UNC13C: variants seen among roughly 807,000 people sequenced by gnomAD.
UNC13C encodes the protein unc-13 homolog C, also known as protein unc-13 homolog C.
Under a neutral mutation model 245.4 loss-of-function variants are expected in UNC13C, and 174 were observed. That is an observed-to-expected ratio of 0.71 (90% CI 0.63 to 0.80). The LOEUF (loss-of-function observed/expected upper bound fraction) is 0.80, where lower values mean the gene tolerates loss of function less well. Among genes scored for constraint, UNC13C ranks in the 30% least tolerant of loss-of-function variants. The pLI is 0.00. For missense variants in UNC13C, 2,829 were observed against 2,602.9 expected (o/e 1.09, Z -1.89); for synonymous variants, 992 against 895.1 (o/e 1.11, Z -1.93).
chr15:54,463,886 G>T (rs771159691), intron 19 of UNC13C, among the ~76,000 whole-genome samples: 1 of 152,190 alleles, frequency 6.6e-6, no homozygotes, highest in African/African-American at 2.4e-5. Flanking sequence ...CATGGGAGGG[G>T]ATGGCTGAAG....
intron 1 of UNC13C, among the ~76,000 whole-genome samples, chr15:54,012,053 T>C (rs554347600): frequency 1.3e-5 from 2 of 152,346 alleles, no homozygotes; most frequent in African/African-American, 4.8e-5. Context: ...TTCCTACTAA[T>C]ATGAGGCCCT....
chr15:53,943,140 C>G, the UNC13C span, among the ~76,000 whole-genome samples: 9 of 152,284 alleles, frequency 5.9e-5, no homozygotes, highest in South Asian at 1.7e-3. Context: ...ATTCCAACCT[C>G]CATTTTAATA....
chr15:54,243,256 T>C (rs1402175523), intron 7 of UNC13C, among the ~76,000 whole-genome samples: 1 of 152,058 alleles, frequency 6.6e-6, no homozygotes, highest in East Asian at 1.9e-4. Context: ...GTTCCTGTAT[T>C]AGTTTGCTGA....
At chr15:53,947,631 T>A in the UNC13C span, 1 of 152,328 alleles carries the variant, frequency 6.6e-6, no homozygotes, top group Admixed American at 6.5e-5. Flanking sequence ...CTTGAGCTCT[T>A]TTTATTTTTT....
chr15:54,180,442 G>A (rs932116413), intron 4 of UNC13C, among the ~76,000 whole-genome samples: 1 of 151,982 alleles, frequency 6.6e-6, no homozygotes, highest in Non-Finnish European at 1.5e-5. Context: ...TGTTGATATT[G>A]TGAATAGTGT....
At chr15:54,080,328 G>C (rs574715268) in intron 2 of UNC13C, among the ~76,000 whole-genome samples, 1 of 151,904 alleles carries the variant, frequency 6.6e-6, no homozygotes, top group African/African-American at 2.4e-5. Context: ...GATGATACTG[G>C]CTTCACAGAA....
intron 4 of UNC13C, among the ~76,000 whole-genome samples, chr15:54,215,579 A>G (rs1264978233): frequency 2.0e-5 from 3 of 152,004 alleles, no homozygotes; most frequent in Non-Finnish European, 4.4e-5. Context: ...TCAAATGCAC[A>G]AGAAAAGAGA....
intron 13 of UNC13C, chr15:54,321,485 A>C (rs1434456865): frequency 2.1e-6 from 1 of 480,644 alleles, no homozygotes; most frequent in Non-Finnish European, 4.1e-6. Flanking sequence ...CACCTCCTCC[A>C]CAGTGGCATA....
chr15:53,870,526 C>A, the UNC13C span, among the ~76,000 whole-genome samples: 1 of 151,166 alleles, frequency 6.6e-6, no homozygotes. Context: ...GAGTCCATGG[C>A]CATTCAGCTT....
At chr15:54,617,715 A>C (rs571089272) in intron 30 of UNC13C, among the ~76,000 whole-genome samples, 1 of 152,258 alleles carries the variant, frequency 6.6e-6, no homozygotes, top group African/African-American at 2.4e-5. Context: ...GAGTAAAAAA[A>C]GCTTAAGTCA....
chr15:54,515,037 C>G (rs1165658595), intron 24 of UNC13C, among the ~76,000 whole-genome samples: 1 of 152,102 alleles, frequency 6.6e-6, no homozygotes, highest in African/African-American at 2.4e-5. Flanking sequence ...GCATACAAAT[C>G]AGGGGCATGT....
At chr15:54,026,761 A>C (rs905186533) in intron 2 of UNC13C, among the ~76,000 whole-genome samples, 3 of 152,144 alleles carry the variant, frequency 2.0e-5, no homozygotes, top group African/African-American at 7.2e-5. Flanking sequence ...TCCTCTGTCA[A>C]ACCTAGACTG....
the UNC13C span, among the ~76,000 whole-genome samples, chr15:53,963,159 G>A: frequency 3.9e-5 from 6 of 152,110 alleles, no homozygotes; most frequent in African/African-American, 1.2e-4. Flanking sequence ...CCATAAGAAA[G>A]GCTGAGGTTT....
intron 7 of UNC13C, among the ~76,000 whole-genome samples, chr15:54,239,624 C>A (rs144989804): frequency 0.22 from 32,871 of 149,038 alleles, 5,577 homozygotes; most frequent in African/African-American, 0.47. Context: ...CTAATATTTC[C>A]TTTTTTTTTT....
At chr15:54,442,790 T>C (rs1388338080) in intron 19 of UNC13C, among the ~76,000 whole-genome samples, 2 of 152,082 alleles carry the variant, frequency 1.3e-5, no homozygotes, top group Non-Finnish European at 2.9e-5. Context: ...TGTGCTGTCT[T>C]TGTGATGTGC....
intron 2 of UNC13C, among the ~76,000 whole-genome samples, chr15:54,036,616 C>T (rs902097862): frequency 1.3e-5 from 2 of 152,168 alleles, no homozygotes; most frequent in Non-Finnish European, 2.9e-5. Context: ...TAACTTTCTG[C>T]TTTGGCCTGA....
At chr15:53,871,674 C>T in the UNC13C span, among the ~76,000 whole-genome samples, 1 of 152,122 alleles carries the variant, frequency 6.6e-6, no homozygotes, top group East Asian at 1.9e-4. Flanking sequence ...CAGGAGACTC[C>T]CTAGATAGCC....
At chr15:53,972,877 A>G in the UNC13C span, 1 of 152,228 alleles carries the variant, frequency 6.6e-6, no homozygotes, top group Non-Finnish European at 1.5e-5. Flanking sequence ...TAAGACATTC[A>G]TCCTTTCCAA....
chr15:53,953,279 T>A, the UNC13C span, among the ~76,000 whole-genome samples: 17 of 152,168 alleles, frequency 1.1e-4, no homozygotes, highest in African/African-American at 3.4e-4. Context: ...CTGAGGGAAA[T>A]GAGAAGTGGC....
Sources: gnomAD v4.1 joint callset for allele counts (sites outside exome capture counted in the v4.1 genomes callset) on GRCh38, gnomAD v4.1.1 for gene constraint, MANE v1.5 for transcripts, NCBI Gene and HGNC (gene_info 2026-07-23, HGNC 2026-07-21) for gene names.